Variants in ATXN7 observed in about 807,000 individuals in gnomAD.
The protein encoded by ATXN7 is ataxin 7.
In ATXN7, 12 loss-of-function variants were observed where a neutral mutation model predicts 70.5. The ratio of observed to expected loss-of-function variants is 0.17; its 90% confidence interval spans 0.11 to 0.28. The LOEUF (loss-of-function observed/expected upper bound fraction) is 0.28, where lower values mean the gene tolerates loss of function less well. ATXN7 is among the 10% of genes least tolerant of loss of function. The pLI is 1.00. For missense variants in ATXN7, 1,256 were observed against 1,131.7 expected, an observed-to-expected ratio of 1.11 and a Z score of -1.58; for synonymous variants, 498 against 448.7, an observed-to-expected ratio of 1.11 and a Z score of -1.39.
intron 4 of ATXN7, among the ~76,000 whole-genome samples, chr3:63,918,801 G>T (rs899282332): frequency 1.3e-5 from 2 of 152,074 alleles, no homozygotes; most frequent in South Asian, 4.2e-4. Context: ...GACAGGAATC[G>T]GTAAAATCCA....
intron 1 of ATXN7, among the ~76,000 whole-genome samples, chr3:63,890,187 T>G (rs890140944): frequency 2.0e-5 from 3 of 152,214 alleles, no homozygotes; most frequent in Non-Finnish European, 4.4e-5. Flanking sequence ...CCAATTTTCT[T>G]GGTCAGATTT....
At chr3:63,964,073 AACACACAC>A (rs10557844) in intron 5 of ATXN7, among the ~76,000 whole-genome samples, 5,055 of 147,168 alleles carry the variant, frequency 0.034, 158 homozygotes, top group African/African-American at 0.07. Context: ...TAGACACATA[AACACACAC>A]ACACACACAC....
chr3:63,876,879 G>A (rs1486196465), intron 1 of ATXN7, among the ~76,000 whole-genome samples: 12 of 152,154 alleles, frequency 7.9e-5, no homozygotes, highest in Non-Finnish European at 1.5e-4. Context: ...TCTGCATGGC[G>A]TTCTTACAGA....
intron 2 of ATXN7, chr3:63,904,603 T>C (rs961919545): frequency 1.3e-5 from 2 of 152,194 alleles, no homozygotes; most frequent in African/African-American, 4.8e-5. Context: ...TAATATTCTT[T>C]GTAGAGATAT....
intron 3 of ATXN7, 115 bp downstream of exon 3, chr3:63,913,038 G>A (rs1704118018): frequency 7.0e-7 from 1 of 1,436,132 alleles, no homozygotes; most frequent in African/African-American, 1.4e-5. Flanking sequence ...AGATGCTATC[G>A]TTTGCTGGGT....
At chr3:63,913,135 C>T (rs958968130) in intron 3 of ATXN7, 22 bp from the exon 4 acceptor site, 4 of 1,611,298 alleles carry the variant, frequency 2.5e-6, no homozygotes, top group Non-Finnish European at 2.5e-6. Context: ...CTCCCCTCCT[C>T]CTGTGTGTGT....
At chr3:63,960,851 G>C (rs992106785) in intron 5 of ATXN7, among the ~76,000 whole-genome samples, 3 of 151,804 alleles carry the variant, frequency 2.0e-5, no homozygotes, top group Admixed American at 2.0e-4. Context: ...AGTTGGGGGT[G>C]GGGGGTCATT....
chr3:63,942,468 A>G (rs527423976), intron 4 of ATXN7, among the ~76,000 whole-genome samples: 11 of 152,178 alleles, frequency 7.2e-5, no homozygotes, highest in Non-Finnish European at 1.2e-4. Flanking sequence ...AACACTTCGC[A>G]GGGTTTTTTT....
intron 2 of ATXN7, chr3:63,901,119 T>G (rs2107268812): frequency 6.6e-6 from 1 of 152,326 alleles, no homozygotes; most frequent in East Asian, 1.9e-4. Flanking sequence ...GGCACTTACC[T>G]TTTTTTCTTA....
At chr3:63,873,653 A>G (rs1479993086) in intron 1 of ATXN7, 2 of 152,326 alleles carry the variant, frequency 1.3e-5, no homozygotes, top group East Asian at 3.9e-4. Context: ...AAGCGACACC[A>G]TAATGATCCC....
intron 5 of ATXN7, among the ~76,000 whole-genome samples, chr3:63,964,188 A>G (rs1358549020): frequency 6.6e-6 from 1 of 152,130 alleles, no homozygotes; most frequent in Non-Finnish European, 1.5e-5. Context: ...AGACAAAGAG[A>G]TCTTTCAAAA....
chr3:63,947,859 G>A (rs534294267), intron 4 of ATXN7, among the ~76,000 whole-genome samples: 1 of 152,294 alleles, frequency 6.6e-6, no homozygotes, highest in East Asian at 1.9e-4. Flanking sequence ...TGGGTTTGAG[G>A]AGAGAAGGGA....
chr3:63,914,465 G>T (rs1704182020), intron 4 of ATXN7, among the ~76,000 whole-genome samples: 1 of 152,164 alleles, frequency 6.6e-6, no homozygotes, highest in Admixed American at 6.5e-5. Context: ...GGAAAGCACA[G>T]GACTTGTTGA....
At chr3:63,981,614 A>T (rs2075488687) in intron 6 of ATXN7, among the ~76,000 whole-genome samples, 1 of 152,242 alleles carries the variant, frequency 6.6e-6, no homozygotes, top group African/African-American at 2.4e-5. Context: ...GGACTGGAGA[A>T]TTACCACTTT....
At chr3:63,996,654 T>A in intron 12 of ATXN7, 171 bp downstream of exon 12, 1 of 859,954 alleles carries the variant, frequency 1.2e-6, no homozygotes. Context: ...TTCACGGCCG[T>A]ATGAAGGTAA....
chr3:63,925,885 C>T (rs1329775010), intron 4 of ATXN7, among the ~76,000 whole-genome samples: 2 of 152,078 alleles, frequency 1.3e-5, no homozygotes, highest in African/African-American at 4.8e-5. Context: ...GAACTTGTTG[C>T]AGCCTTGGCA....
At chr3:63,869,776 C>T (rs933160355) in intron 1 of ATXN7, among the ~76,000 whole-genome samples, 8 of 152,178 alleles carry the variant, frequency 5.3e-5, no homozygotes, top group African/African-American at 1.9e-4. Flanking sequence ...TCCTTATTCC[C>T]ACTTAGACCT....
At chr3:63,891,350 G>A (rs549944122) in intron 1 of ATXN7, among the ~76,000 whole-genome samples, 15 of 150,110 alleles carry the variant, frequency 1.0e-4, no homozygotes, top group Non-Finnish European at 1.8e-4. Context: ...ATGGGGTCTT[G>A]CTCTTTTGCA....
At chr3:63,884,557 A>G (rs1703024974) in intron 1 of ATXN7, among the ~76,000 whole-genome samples, 1 of 152,212 alleles carries the variant, frequency 6.6e-6, no homozygotes, top group Admixed American at 6.5e-5. Context: ...GAGAGAATAG[A>G]TAAATCTTTA....
Sources: allele counts gnomAD v4.1 joint callset (sites outside exome capture counted in the v4.1 genomes callset), GRCh38; gene constraint gnomAD v4.1.1; transcripts MANE v1.5; gene names NCBI Gene and HGNC (gene_info 2026-07-23, HGNC 2026-07-21).